TCF7L1: variants seen among roughly 807,000 people sequenced by gnomAD.
TCF7L1 encodes transcription factor 7-like 1.
A neutral mutation model predicts 63.7 loss-of-function variants in TCF7L1; 18 were observed. That is an observed-to-expected ratio of 0.28 (90% CI 0.20 to 0.42). The LOEUF (loss-of-function observed/expected upper bound fraction) is 0.42, where lower values mean the gene tolerates loss of function less well. TCF7L1 is among the 10% of genes least tolerant of loss of function. The pLI is 1.00. For synonymous variants in TCF7L1, 355 were observed against 340.9 expected (o/e 1.04, Z -0.46); for missense variants, 654 against 779.3 (o/e 0.84, Z 1.91).
chr2:85,182,079 G>A (rs970942526), intron 3 of TCF7L1, among the ~76,000 whole-genome samples: 5 of 152,178 alleles, frequency 3.3e-5, no homozygotes, highest in Admixed American at 1.3e-4. Flanking sequence ...GAGGAGGCAG[G>A]ATGGACGGGG....
intron 3 of TCF7L1, among the ~76,000 whole-genome samples, chr2:85,241,155 T>C (rs572577250): frequency 1.3e-5 from 2 of 152,340 alleles, no homozygotes; most frequent in South Asian, 4.1e-4. Flanking sequence ...GGTCACCCTT[T>C]TAAAGGGTTT....
chr2:85,249,333 T>C (rs1374803492), intron 3 of TCF7L1, among the ~76,000 whole-genome samples: 1 of 152,218 alleles, frequency 6.6e-6, no homozygotes, highest in Non-Finnish European at 1.5e-5. Flanking sequence ...TACCCTTGCA[T>C]GGGTGAGCAG....
Position 85,288,278 on chromosome 2 carries a change from G to A in TCF7L1, c.525+4700G>A, listed in dbSNP as rs930417943. On this transcript the variant is annotated intron_variant, in intron 4 of 11. Transcript: ENST00000282111. ...ATATGATTTAATTGGTCTGGGGTGC[G>A]GCTGGTATCTTAGTTTTTAAGCTCC... is the stretch of plus-strand genomic sequence containing the variant. 7.2e-5 allele frequency among the ~76,000 whole-genome samples: 11 copies of A among 152,136 alleles called. 1 individual carries two copies. Among genetic ancestry groups the A allele is most frequent in the Middle Eastern group, 6.3e-3 (2 of 316 alleles).
chr2:85,208,731 G>A (rs1399280837), intron 3 of TCF7L1, among the ~76,000 whole-genome samples: 1 of 152,106 alleles, frequency 6.6e-6, no homozygotes, highest in Non-Finnish European at 1.5e-5. Flanking sequence ...TTTGTGGAAG[G>A]GACAATTCCA....
Position 85,133,683 on chromosome 2 carries a change from C to T in TCF7L1, c.-2C>T. On this transcript the variant is annotated 5_prime_UTR_variant, in exon 1 of 12. Transcript: ENST00000282111. The surrounding 1 kb of genome is among the most constrained non-coding windows in gnomAD (Gnocchi z 4.4). ...GCGGCGGCCCCGGCCCGCGGCCCCA[C>T]CATGCCCCAGCTCGGCGGCGGGGGC... The T allele has an allele frequency of 2.0e-6, 2 of 979,050 alleles. No homozygotes were observed. Among genetic ancestry groups the T allele is most frequent in the Non-Finnish European group, 2.4e-6 (2 of 823,930 alleles). 60.6% of individuals were successfully genotyped at this position (979,050 alleles called of 1,614,324 possible).
At chr2:85,216,532 A>T (rs1204366538) in intron 3 of TCF7L1, among the ~76,000 whole-genome samples, 1 of 152,192 alleles carries the variant, frequency 6.6e-6, no homozygotes, top group Non-Finnish European at 1.5e-5. Context: ...TCAGAGAGTA[A>T]AATAAGATAG....
At chr2:85,137,834 A>G (rs1452101510) in intron 3 of TCF7L1, among the ~76,000 whole-genome samples, 1 of 151,888 alleles carries the variant, frequency 6.6e-6, no homozygotes, top group Non-Finnish European at 1.5e-5. Flanking sequence ...CAGAGGTTGC[A>G]ATGAGCTGAG....
intron 3 of TCF7L1, among the ~76,000 whole-genome samples, chr2:85,282,976 C>T (rs930527554): frequency 1.3e-5 from 2 of 152,030 alleles, no homozygotes; most frequent in African/African-American, 4.8e-5. Context: ...GTAGATGTTG[C>T]CCATGACTCT....
intron 3 of TCF7L1, among the ~76,000 whole-genome samples, chr2:85,166,284 G>T (rs1227805849): frequency 6.6e-6 from 1 of 152,144 alleles, no homozygotes; most frequent in Non-Finnish European, 1.5e-5. Flanking sequence ...CAGGAGTCTT[G>T]GGTGCCAGTG....
intron 3 of TCF7L1, among the ~76,000 whole-genome samples, chr2:85,271,481 T>C (rs1681152237): frequency 6.6e-6 from 1 of 152,198 alleles, no homozygotes; most frequent in South Asian, 2.1e-4. Flanking sequence ...TAATATCAAA[T>C]CAGATAATTC....
intron 3 of TCF7L1, among the ~76,000 whole-genome samples, chr2:85,276,324 C>T (rs567262236): frequency 1.2e-4 from 19 of 152,330 alleles, no homozygotes; most frequent in Admixed American, 5.2e-4. Flanking sequence ...ATCCCAGCCT[C>T]CATGCTACAT....
chr2:85,304,477 T>G (rs1272837169), intron 7 of TCF7L1, 139 bp downstream of exon 7: 3 of 801,020 alleles, frequency 3.7e-6, no homozygotes, highest in Non-Finnish European at 5.8e-6. Flanking sequence ...TCAAGCATCT[T>G]CTCACGTCCC....
At chr2:85,203,874 A>C (rs1679334410) in intron 3 of TCF7L1, among the ~76,000 whole-genome samples, 1 of 152,218 alleles carries the variant, frequency 6.6e-6, no homozygotes, top group Admixed American at 6.5e-5. Flanking sequence ...ATGTTGAAGC[A>C]TCCTATAAAA....
intron 3 of TCF7L1, among the ~76,000 whole-genome samples, chr2:85,146,499 T>G (rs1677882413): frequency 5.0e-5 from 1 of 19,834 alleles, no homozygotes. Context: ...CTTTCTTTCT[T>G]TTTTTTTTTT....
intron 3 of TCF7L1, among the ~76,000 whole-genome samples, chr2:85,281,900 G>A (rs1028042097): frequency 4.6e-5 from 7 of 152,158 alleles, no homozygotes; most frequent in South Asian, 2.1e-4. Flanking sequence ...TCTTCCCATC[G>A]CCCTCCTGCT....
chr2:85,150,570 T>C (rs1346598356), intron 3 of TCF7L1, among the ~76,000 whole-genome samples: 1 of 151,122 alleles, frequency 6.6e-6, no homozygotes, highest in Non-Finnish European at 1.5e-5. Flanking sequence ...CCATTTATTT[T>C]GCAGAAGAAC....
At chr2:85,288,092 T>C (rs1040933468) in intron 4 of TCF7L1, among the ~76,000 whole-genome samples, 2 of 152,156 alleles carry the variant, frequency 1.3e-5, no homozygotes, top group Non-Finnish European at 2.9e-5. Context: ...TACCGCTACC[T>C]CTACTATTAT....
At chr2:85,302,947 G>C (rs1682019048) in intron 5 of TCF7L1, among the ~76,000 whole-genome samples, 1 of 152,198 alleles carries the variant, frequency 6.6e-6, no homozygotes, top group Admixed American at 6.5e-5. Flanking sequence ...AGACATGTTT[G>C]CCCTAAACTG....
intron 3 of TCF7L1, among the ~76,000 whole-genome samples, chr2:85,244,230 CAG>C (rs1680408358): frequency 6.6e-6 from 1 of 152,114 alleles, no homozygotes; most frequent in African/African-American, 2.4e-5. Context: ...GGGCTGGTCA[CAG>C]GGGCATGCAG....
Sources: gnomAD v4.1 joint callset for allele counts (sites outside exome capture counted in the v4.1 genomes callset) on GRCh38, gnomAD v4.1.1 for gene constraint, Gnocchi (gnomAD v3.1) non-coding constraint, MANE v1.5 for transcripts, NCBI Gene and HGNC (gene_info 2026-07-23, HGNC 2026-07-21) for gene names.